The following ZFHX3 variants were observed in gnomAD, a reference collection of about 807,000 sequenced individuals.
The protein encoded by ZFHX3 is zinc finger homeobox protein 3.
In ZFHX3, 42 loss-of-function variants were observed where a neutral mutation model predicts 279.1. The ratio of observed to expected loss-of-function variants is 0.15; its 90% CI spans 0.12 to 0.19. The LOEUF is 0.19. Among genes scored for constraint, ZFHX3 ranks in the 10% least tolerant of loss-of-function variants. ZFHX3 has a pLI of 1.00. For missense variants in ZFHX3, 4,981 were observed against 4,754.0 expected (o/e 1.05, Z -1.40); for synonymous variants, 2,293 against 1,957.8 (o/e 1.17, Z -4.52).
intron 1 of ZFHX3, among the ~76,000 whole-genome samples, chr16:73,797,451 C>T (rs911321242): frequency 1.3e-5 from 2 of 152,328 alleles, no homozygotes; most frequent in Middle Eastern, 3.4e-3. Flanking sequence ...GAGTCCAACA[C>T]AGGCTGCTGG....
At chr16:72,823,967 T>G (rs1430892770) in intron 5 of ZFHX3, among the ~76,000 whole-genome samples, 1 of 152,156 alleles carries the variant, frequency 6.6e-6, no homozygotes, top group Non-Finnish European at 1.5e-5. Flanking sequence ...AAAAAAGTAT[T>G]TTTTCAGCCC....
At chr16:73,081,930 AGGT>A (rs1965951464) in intron 8 of ZFHX3, among the ~76,000 whole-genome samples, 1 of 145,394 alleles carries the variant, frequency 6.9e-6, no homozygotes, top group South Asian at 2.2e-4. Flanking sequence ...TCTGCCTCCC[AGGT>A]TCAAGGGATC....
At chr16:72,831,301 C>T (rs1001926117) in intron 4 of ZFHX3, among the ~76,000 whole-genome samples, 1 of 152,090 alleles carries the variant, frequency 6.6e-6, no homozygotes, top group African/African-American at 2.4e-5. Context: ...ACTAGTGTCA[C>T]GGAACGTTCT....
chr16:73,857,310 A>C (rs993280861), intron 1 of ZFHX3, among the ~76,000 whole-genome samples: 1 of 152,228 alleles, frequency 6.6e-6, no homozygotes, highest in African/African-American at 2.4e-5. Flanking sequence ...GCTGTATTAC[A>C]GTTTGGAGAA....
At position 73,644,357 on chromosome 16, in the gene ZFHX3, C is replaced by G. The variant is rs976386108; in HGVS notation, c.-1547+35823G>C. 2.6e-5 allele frequency among the ~76,000 whole-genome samples: 4 copies of G among 152,002 alleles called. No individual in the cohort carries two copies. In the East Asian group the frequency reaches 7.8e-4, roughly 29 times the overall value. On this transcript the variant is annotated intron_variant, in intron 2 of 17. Coordinates refer to the ZFHX3 transcript ENST00000641206. ...TCCTTTCCATTCTCTAACCACCCAC[C>G]GGTTGAAAGCAGCAGTTTCCAGCTG...
chr16:73,355,976 C>A (rs1452623315), intron 3 of ZFHX3, among the ~76,000 whole-genome samples: 6 of 152,170 alleles, frequency 3.9e-5, no homozygotes, highest in African/African-American at 1.4e-4. Flanking sequence ...TTTCCTCCCC[C>A]ACATTCACGC....
chr16:73,720,975 G>A (rs1008585603), intron 1 of ZFHX3, among the ~76,000 whole-genome samples: 7 of 152,180 alleles, frequency 4.6e-5, no homozygotes, highest in African/African-American at 1.7e-4. Context: ...CAGCCTAGGG[G>A]CCACGTGTGG....
chr16:72,858,277 GAA>G (rs1207066102), intron 4 of ZFHX3, among the ~76,000 whole-genome samples: 2 of 152,226 alleles, frequency 1.3e-5, no homozygotes, highest in African/African-American at 4.8e-5. Flanking sequence ...TTCACGAACA[GAA>G]GGTTAATATA....
At chr16:73,575,304 G>T (rs1228321928) in intron 2 of ZFHX3, among the ~76,000 whole-genome samples, 2 of 152,162 alleles carry the variant, frequency 1.3e-5, no homozygotes, top group Admixed American at 6.5e-5. Flanking sequence ...AAAACCAAAG[G>T]TTCATTCTCA....
At chr16:73,152,293 C>T (rs1341255809) in intron 5 of ZFHX3, among the ~76,000 whole-genome samples, 1 of 152,178 alleles carries the variant, frequency 6.6e-6, no homozygotes, top group Non-Finnish European at 1.5e-5. Flanking sequence ...TCCCAGCTGT[C>T]AGAGACGGTG....
intron 5 of ZFHX3, among the ~76,000 whole-genome samples, chr16:73,148,181 T>C (rs1966876294): frequency 6.6e-6 from 1 of 152,244 alleles, no homozygotes; most frequent in Admixed American, 6.5e-5. Context: ...TGACTTGTTA[T>C]GACAGAGACA....
At chr16:72,859,594 A>C (rs780192142) in intron 4 of ZFHX3, among the ~76,000 whole-genome samples, 3 of 152,238 alleles carry the variant, frequency 2.0e-5, no homozygotes, top group Non-Finnish European at 4.4e-5. Context: ...AGGGATTTGA[A>C]ATATAGCTTT....
At chr16:73,060,898 A>G (rs886743951), upstream of ZFHX3, 4 of 152,218 alleles carry the variant, frequency 2.6e-5, no homozygotes, top group South Asian at 2.1e-4. Flanking sequence ...AGATTTTCCA[A>G]TGCTCTTAAG....
intron 4 of ZFHX3, among the ~76,000 whole-genome samples, chr16:72,882,237 A>G (rs1192918991): frequency 6.8e-6 from 1 of 147,898 alleles, no homozygotes; most frequent in Non-Finnish European, 1.5e-5. Flanking sequence ...CCACAGTATC[A>G]ATGCTTCTCC....
intron 3 of ZFHX3, among the ~76,000 whole-genome samples, chr16:73,378,030 C>CAAAAA (rs71156159): frequency 0.031 from 1,681 of 53,776 alleles, 529 homozygotes; most frequent in Non-Finnish European, 0.045. Context: ...GACTCTGTCT[C>CAAAAA]AAAAAAAAAA....
At chr16:72,881,356 A>G (rs1242597951) in intron 4 of ZFHX3, among the ~76,000 whole-genome samples, 2 of 151,878 alleles carry the variant, frequency 1.3e-5, no homozygotes, top group African/African-American at 2.4e-5. Context: ...GACTGAGGCC[A>G]CAAAACTTTC....
chr16:73,298,840 T>C (rs1192589865), intron 4 of ZFHX3, among the ~76,000 whole-genome samples: 1 of 152,236 alleles, frequency 6.6e-6, no homozygotes, highest in Non-Finnish European at 1.5e-5. Context: ...CTGATAGTGA[T>C]GCCTGACGTA....
intron 7 of ZFHX3, among the ~76,000 whole-genome samples, chr16:73,123,003 C>T (rs1966518779): frequency 6.6e-6 from 1 of 151,966 alleles, no homozygotes; most frequent in African/African-American, 2.4e-5. Context: ...TAAGAGACTG[C>T]CCTTTCAGAA....
At chr16:73,783,159 G>A (rs548185137) in intron 1 of ZFHX3, among the ~76,000 whole-genome samples, 3 of 152,094 alleles carry the variant, frequency 2.0e-5, no homozygotes, top group Admixed American at 6.5e-5. Context: ...GCTGAGTACC[G>A]GGCCAAGATG....
Sources: allele counts gnomAD v4.1 joint callset (sites outside exome capture counted in the v4.1 genomes callset), GRCh38; gene constraint gnomAD v4.1.1; transcripts MANE v1.5; gene names NCBI Gene and HGNC (gene_info 2026-07-23, HGNC 2026-07-21).